The following NIBAN3 variants were observed in gnomAD, a reference collection of about 807,000 sequenced individuals.
NIBAN3 encodes protein Niban 3.
A neutral mutation model predicts 76.4 loss-of-function variants in NIBAN3; 66 were observed. That is an observed-to-expected ratio of 0.86 (90% confidence interval 0.71 to 1.06). The LOEUF (loss-of-function observed/expected upper bound fraction) is 1.06. Ranked by LOEUF, NIBAN3 falls within the 50% of genes least tolerant of loss-of-function variation. The pLI, the probability that NIBAN3 is intolerant of heterozygous loss-of-function variation, is 0.00. For synonymous variants in NIBAN3, 360 were observed against 355.2 expected, an observed-to-expected ratio of 1.01 and a Z score of -0.15; for missense variants, 808 against 810.7, an observed-to-expected ratio of 1.00 and a Z score of 0.04.
intron 14 of NIBAN3, among the ~76,000 whole-genome samples, chr19:17,550,933 T>C (rs1047644604): frequency 1.3e-5 from 2 of 150,914 alleles, no homozygotes; most frequent in African/African-American, 4.9e-5. Context: ...TGTGTGTTTG[T>C]CATTTCAACA....
At chr19:17,527,926 T>C (rs1039895453) in intron 1 of NIBAN3, among the ~76,000 whole-genome samples, 1 of 151,850 alleles carries the variant, frequency 6.6e-6, no homozygotes, top group Non-Finnish European at 1.5e-5. Context: ...ACTCCTGAGC[T>C]CAAGCGATCC....
chr19:17,533,773 C>A, intron 4 of NIBAN3, 72 bp downstream of exon 4: 1 of 1,177,326 alleles, frequency 8.5e-7, no homozygotes, highest in Non-Finnish European at 1.3e-6. Context: ...CCAGATCATT[C>A]TCTGCGGTGG....
intron 14 of NIBAN3, among the ~76,000 whole-genome samples, chr19:17,550,123 G>T (rs1173701120): frequency 6.6e-6 from 1 of 152,074 alleles, no homozygotes; most frequent in Non-Finnish European, 1.5e-5. Context: ...CCCAGCCTTT[G>T]TATCCCATCT....
At chr19:17,529,097 C>G (rs762230121) in intron 1 of NIBAN3, among the ~76,000 whole-genome samples, 32 of 152,194 alleles carry the variant, frequency 2.1e-4, no homozygotes, top group Non-Finnish European at 4.4e-4. Context: ...CGTTCACACC[C>G]TGGTCATTCC....
chr19:17,549,832 T>TCA, intron 14 of NIBAN3: 1 of 550,790 alleles, frequency 1.8e-6, no homozygotes, highest in Non-Finnish European at 3.2e-6. Flanking sequence ...CTCTCTTTTT[T>TCA]TTTTTTTTGA....
At chr19:17,549,022 G>A (rs935647264) in intron 13 of NIBAN3, among the ~76,000 whole-genome samples, 8 of 152,096 alleles carry the variant, frequency 5.3e-5, no homozygotes, top group African/African-American at 1.9e-4. Context: ...GGGAATGAGG[G>A]AGAGGATGTG....
chr19:17,535,555 C>T (rs2075810303), intron 4 of NIBAN3, among the ~76,000 whole-genome samples: 2 of 152,144 alleles, frequency 1.3e-5, no homozygotes, highest in Non-Finnish European at 2.9e-5. Context: ...AGGTCCCAGC[C>T]TGGCCAACAT....
rs764577395 is a variant in NIBAN3, at chr19:17,543,541, C to T, written c.1464C>T (p.Ser488=). Residue 488 remains serine (S), a synonymous_variant, in exon 12 of 15, where the codon AGC becomes AGT. Coordinates refer to ENST00000599164, the MANE Select transcript of NIBAN3 (RefSeq NM_001321827.2). ...GRVLKKFKSD[S]GLAQRRFIRG... The stretch of plus-strand genomic sequence containing the variant: ...TTGTGCAGAAATTCAAATCGGACAG[C>T]GGGTTGGCGCAGAGGAGGTTCATCC... 1.1e-5 allele frequency: 17 copies of T among 1,613,936 alleles called. No homozygotes were observed. Among genetic ancestry groups the T allele is most frequent in the Admixed American group, 6.7e-5 (4 of 59,964 alleles).
upstream of NIBAN3, chr19:17,523,539 G>T: frequency 8.2e-7 from 1 of 1,223,086 alleles, no homozygotes; most frequent in Non-Finnish European, 1.2e-6. Flanking sequence ...CCCCCAGAGC[G>T]GCAGGCACGG....
Position 17,539,644 on chromosome 19 carries a change from C to T in NIBAN3, c.858C>T (p.Ser286=), listed in dbSNP as rs780253377. The change falls in exon 8 of 15, where the codon TCC becomes TCT. Residue 286 remains serine, a synonymous_variant. Coordinates refer to ENST00000599164, the MANE Select transcript of NIBAN3 (RefSeq NM_001321827.2). ...ACGCAGCTGTCCTGGCCGGGGCCTCCGCCGGGCTCTGCGCCTTCCAGCCCG... is the reference window on the plus strand; with the variant it reads ...ACGCAGCTGTCCTGGCCGGGGCCTCTGCCGGGCTCTGCGCCTTCCAGCCCG... ...AVHAAVLAGA[S]AGLCAFQPEK... 7 of 1,569,662 alleles carry T rather than the reference C, an allele frequency of 4.5e-6. No homozygotes were observed. The highest frequency in any genetic ancestry group is 3.5e-5 in the South Asian group (3 of 85,810).
chr19:17,530,713 C>A, intron 1 of NIBAN3, 42 bp from the exon 2 acceptor site: 1 of 1,571,126 alleles, frequency 6.4e-7, no homozygotes, highest in Non-Finnish European at 8.7e-7. Context: ...GTCTCCTGGG[C>A]AGATTCAATT....
At chr19:17,543,856 G>T in intron 12 of NIBAN3, 1 of 343,066 alleles carries the variant, frequency 2.9e-6, no homozygotes, top group Middle Eastern at 8.8e-4. Context: ...GCCAGGCATG[G>T]TGATGGGCGC....
chr19:17,549,195 T>C (rs1269096022), intron 13 of NIBAN3, among the ~76,000 whole-genome samples: 1 of 152,190 alleles, frequency 6.6e-6, no homozygotes, highest in East Asian at 1.9e-4. Flanking sequence ...GGGTCCATCC[T>C]GAATTGATTT....
chr19:17,548,482 C>T (rs1054312354), intron 13 of NIBAN3, among the ~76,000 whole-genome samples: 20 of 152,012 alleles, frequency 1.3e-4, no homozygotes, highest in Non-Finnish European at 2.6e-4. Context: ...GAGGGAGGTG[C>T]GGGTGGGAGC....
intron 3 of NIBAN3, among the ~76,000 whole-genome samples, chr19:17,532,935 T>C (rs927886726): frequency 7.4e-5 from 11 of 148,744 alleles, no homozygotes; most frequent in African/African-American, 2.5e-4. Flanking sequence ...GAGAAAGTTA[T>C]GGGGGCAGAG....
In NIBAN3 at chr19:17,539,751, C is replaced by A; in HGVS notation, c.965C>A (p.Ala322Glu). The A allele has an allele frequency of 6.5e-7, 1 of 1,533,810 alleles. No individual in the cohort carries two copies. Residue 322 changes from alanine (A) to glutamate (E), a missense_variant, in exon 8 of 15, where the codon GCG becomes GAG. Ala to Glu is a moderately radical substitution (Grantham distance 107). Coordinates refer to ENST00000599164, the MANE Select transcript of NIBAN3 (RefSeq NM_001321827.2). ...CTGCTGCGGCAGCGGGCGCGTGTGG[C>A]GGGGCGGCTGAGGAGTGAGGCCCTG... ...DQLLRQRARVAGRLRTDIRGP... is the reference protein window; with the variant it reads ...DQLLRQRARVEGRLRTDIRGP...
intron 12 of NIBAN3, chr19:17,545,959 G>A (rs570085116): frequency 2.3e-6 from 1 of 442,450 alleles, no homozygotes; most frequent in East Asian, 7.1e-5. Flanking sequence ...AGTAGCCGGT[G>A]TTTTTCCTTG....
intron 2 of NIBAN3, among the ~76,000 whole-genome samples, chr19:17,531,848 T>G (rs1487140326): frequency 6.6e-6 from 1 of 152,182 alleles, no homozygotes; most frequent in African/African-American, 2.4e-5. Context: ...TCTGGAGCCA[T>G]GAGGTTGTGT....
chr19:17,550,017 A>G (rs949361179), intron 14 of NIBAN3, among the ~76,000 whole-genome samples: 1 of 151,814 alleles, frequency 6.6e-6, no homozygotes, highest in Non-Finnish European at 1.5e-5. Flanking sequence ...ATGGGGTTTC[A>G]CCATGTTGGC....
Sources: gnomAD v4.1 joint callset for allele counts (sites outside exome capture counted in the v4.1 genomes callset) on GRCh38, gnomAD v4.1.1 for gene constraint, MANE v1.5 for transcripts, NCBI Gene and HGNC (gene_info 2026-07-23, HGNC 2026-07-21) for gene names.